Variants in PSMD5 observed in about 807,000 individuals in gnomAD.
The protein encoded by PSMD5 is proteasome 26S subunit, non-ATPase 5, also known as 26S proteasome non-ATPase regulatory subunit 5.
PSMD5 carries 40 observed loss-of-function variants against 52.1 expected under a neutral mutation model. The observed-to-expected ratio is 0.77, with a 90% CI of 0.60 to 1.00. The LOEUF (loss-of-function observed/expected upper bound fraction) is 1.00, where lower values mean the gene tolerates loss of function less well. Among genes scored for constraint, PSMD5 ranks in the 50% least tolerant of loss-of-function variants. PSMD5 has a pLI of 0.00. For missense variants in PSMD5, 575 were observed against 605.2 expected (o/e 0.95, Z 0.52); for synonymous variants, 211 against 226.6 (o/e 0.93, Z 0.62).
intron 2 of PSMD5, among the ~76,000 whole-genome samples, chr9:120,832,893 G>A (rs1250392382): frequency 1.3e-5 from 2 of 152,152 alleles, no homozygotes; most frequent in African/African-American, 4.8e-5. Flanking sequence ...ATAGCATTTG[G>A]TTCATCCAGT....
intron 6 of PSMD5, 71 bp downstream of exon 6, chr9:120,826,694 C>A: frequency 6.6e-6 from 10 of 1,515,416 alleles, no homozygotes; most frequent in Non-Finnish European, 8.1e-6. Context: ...CCTACCCCAA[C>A]CCCCTGATGT....
intron 9 of PSMD5, among the ~76,000 whole-genome samples, chr9:120,818,945 A>C (rs1435678380): frequency 6.6e-6 from 1 of 152,192 alleles, no homozygotes; most frequent in Non-Finnish European, 1.5e-5. Flanking sequence ...ATTTTATCTA[A>C]GAACAGAGGA....
chr9:120,833,213 G>C lies in PSMD5; in HGVS notation c.318+99C>G, dbSNP rs900847725. 1.5e-6 allele frequency: 2 copies of C among 1,350,720 alleles called. 1 individual carries two copies. Among genetic ancestry groups the C allele is most frequent in the South Asian group, 2.6e-5 (2 of 75,616 alleles). The allele number at this position is 1,350,720 out of a possible 1,614,324, so 83.7% of individuals were successfully genotyped here. On this transcript the variant is annotated intron_variant, in intron 2 of 9. Transcript: ENST00000210313. ...GGAGAGGGGGAGAAGGAAGAGGGAA[G>C]GAGAGAGAGAAATACTGTGCTTTCT...
At position 120,831,902 on chromosome 9, in the gene PSMD5, A is replaced by G. The variant is rs1405943227; in HGVS notation, c.362T>C (p.Leu121Pro). Residue 121 changes from leucine to proline, a missense_variant, in exon 3 of 10, where the codon CTA (leucine) becomes CCA (proline). Physicochemically the swap from Leu to Pro is moderately conservative, Grantham distance 98 (BLOSUM62 -3). Transcript: ENST00000210313. ...VENSDAVTEI[L>P]NNAELLKQIV... Reference sequence around the variant, plus strand: ...TTGTTTTAGTAATTCAGCATTATTTAGAATCTCAGTAACAGCATCAGAATT... The same window carrying G: ...TTGTTTTAGTAATTCAGCATTATTTGGAATCTCAGTAACAGCATCAGAATT... 1.9e-6 allele frequency: 3 copies of G among 1,613,232 alleles called. No individual in the cohort carries two copies. The Admixed American group carries it at 5.0e-5, about 27-fold the overall frequency.
chr9:120,825,828 T>G (rs571171922), intron 6 of PSMD5, among the ~76,000 whole-genome samples: 1 of 152,228 alleles, frequency 6.6e-6, no homozygotes, highest in Non-Finnish European at 1.5e-5. Flanking sequence ...GAAACTTTAT[T>G]CTATATATTA....
chr9:120,826,932 AAGG>A (rs756848537), intron 5 of PSMD5, 25 bp from the exon 6 acceptor site: 20 of 1,598,422 alleles, frequency 1.3e-5, no homozygotes, highest in African/African-American at 1.3e-5. Context: ...GGACAAAAAC[AAGG>A]AGATTTTGCA....
Position 120,817,902 on chromosome 9 carries a change from G to T in PSMD5, c.*4C>A. On this transcript the variant is annotated 3_prime_UTR_variant, in exon 10 of 10. Transcript: ENST00000210313. ...GTGGTCCTCTACATGAGCTCTAGAA[G>T]AAATCATTCGGCTCCTTCTACTGCT... The T allele has an allele frequency of 1.2e-6, 2 of 1,610,306 alleles. No homozygotes were observed. Among genetic ancestry groups the T allele is most frequent in the Non-Finnish European group, 1.7e-6 (2 of 1,177,050 alleles).
intron 1 of PSMD5, 189 bp downstream of exon 1, chr9:120,842,548 G>T: frequency 1.5e-6 from 1 of 669,892 alleles, no homozygotes; most frequent in Non-Finnish European, 2.5e-6. Flanking sequence ...ACACCCTGGG[G>T]CACTCTCAGA....
intron 7 of PSMD5, 191 bp downstream of exon 7, chr9:120,824,303 C>CAA (rs35903891): frequency 1.9e-3 from 837 of 452,398 alleles, no homozygotes; most frequent in East Asian, 5.6e-3. Flanking sequence ...AGTGAAAAGT[C>CAA]AAAAAAAAAA....
chr9:120,828,897 T>C (rs2045141498), intron 5 of PSMD5, among the ~76,000 whole-genome samples: 1 of 152,230 alleles, frequency 6.6e-6, no homozygotes, highest in Non-Finnish European at 1.5e-5. Flanking sequence ...AGCTGAATTG[T>C]CATGTGGGGC....
At chr9:120,836,872 G>A (rs1340329576) in intron 1 of PSMD5, among the ~76,000 whole-genome samples, 1 of 150,034 alleles carries the variant, frequency 6.7e-6, no homozygotes. Flanking sequence ...TTAACTGTAT[G>A]TAACCTTCGA....
intron 4 of PSMD5, among the ~76,000 whole-genome samples, chr9:120,831,021 C>A (rs780963909): frequency 2.1e-4 from 32 of 152,028 alleles, no homozygotes; most frequent in Non-Finnish European, 4.0e-4. Flanking sequence ...GTAGCTGGGA[C>A]GACATGCACA....
chr9:120,837,313 C>T (rs951924964), intron 1 of PSMD5, among the ~76,000 whole-genome samples: 3 of 152,222 alleles, frequency 2.0e-5, no homozygotes, highest in African/African-American at 7.2e-5. Flanking sequence ...TTAGCCACCA[C>T]CTAGCCTGAA....
At chr9:120,838,356 T>C (rs2045212441) in intron 1 of PSMD5, among the ~76,000 whole-genome samples, 1 of 152,242 alleles carries the variant, frequency 6.6e-6, no homozygotes, top group Non-Finnish European at 1.5e-5. Flanking sequence ...TGACCCTTCT[T>C]TGCCAACGAG....
chr9:120,836,457 C>T (rs1361072703), intron 1 of PSMD5, among the ~76,000 whole-genome samples: 2 of 147,186 alleles, frequency 1.4e-5, no homozygotes, highest in East Asian at 2.0e-4. Flanking sequence ...AGTGCGATGG[C>T]GTGATCTTGG....
At chr9:120,839,880 C>T (rs2045222281) in intron 1 of PSMD5, among the ~76,000 whole-genome samples, 1 of 146,336 alleles carries the variant, frequency 6.8e-6, no homozygotes, top group South Asian at 2.2e-4. Context: ...CTTTGGGAGG[C>T]CGAGGCAGGC....
Position 120,824,690 on chromosome 9 carries a change from A to G in PSMD5, c.815-5T>C, listed in dbSNP as rs1187508294. On this transcript the variant is annotated splice_polypyrimidine_tract_variant and splice_region_variant and intron_variant, in intron 6 of 9. Coordinates refer to ENST00000210313, the MANE Select transcript of PSMD5 (RefSeq NM_005047.4). ...TTCCAAAAAACTTCACGAATCCTAA[A>G]GAGATTTACAAAAATATATTTTAAT... 3 of 1,587,576 alleles carry G rather than the reference A, an allele frequency of 1.9e-6. No individual in the cohort carries two copies. The highest frequency in any genetic ancestry group is 2.7e-5 in the African/African-American group (2 of 73,330).
intron 1 of PSMD5, among the ~76,000 whole-genome samples, chr9:120,835,761 T>G (rs529872044): frequency 2.6e-5 from 4 of 151,986 alleles, no homozygotes; most frequent in African/African-American, 9.6e-5. Flanking sequence ...ATAAAGTAGA[T>G]TCCTGGTTGC....
intron 1 of PSMD5, among the ~76,000 whole-genome samples, chr9:120,834,280 C>T (rs748788091): frequency 2.0e-5 from 3 of 151,630 alleles, no homozygotes; most frequent in Non-Finnish European, 4.4e-5. Flanking sequence ...GTGCCTGGCC[C>T]GATATATTCT....
Sources: allele counts gnomAD v4.1 joint callset (sites outside exome capture counted in the v4.1 genomes callset), GRCh38; gene constraint gnomAD v4.1.1; transcripts MANE v1.5; gene names NCBI Gene and HGNC (gene_info 2026-07-23, HGNC 2026-07-21).